Variants in MAST3 observed in about 807,000 individuals in gnomAD.
MAST3 encodes the protein microtubule associated serine/threonine kinase 3.
Under a neutral mutation model 127.0 loss-of-function variants are expected in MAST3, and 43 were observed. That is an observed-to-expected ratio of 0.34 (90% CI 0.27 to 0.44). MAST3 has a LOEUF of 0.44. MAST3 is among the 20% of genes least tolerant of loss of function. The pLI is 1.00. For synonymous variants in MAST3, 785 were observed against 809.2 expected, an observed-to-expected ratio of 0.97 and a Z score of 0.51; for missense variants, 1,390 against 1,919.1, an observed-to-expected ratio of 0.72 and a Z score of 5.15.
intron 1 of MAST3, among the ~76,000 whole-genome samples, chr19:18,106,425 G>T (rs1423546749): frequency 6.6e-6 from 1 of 151,942 alleles, no homozygotes; most frequent in African/African-American, 2.4e-5. Flanking sequence ...TTTTAGTAGA[G>T]ACAGGGTTTC....
intron 2 of MAST3, among the ~76,000 whole-genome samples, chr19:18,109,752 G>A (rs1476852316): frequency 1.3e-5 from 2 of 152,200 alleles, no homozygotes; most frequent in Non-Finnish European, 1.5e-5. Context: ...GGGACTGGAG[G>A]TGTGGTCAGA....
At chr19:18,102,891 G>A (rs1309113268) in intron 1 of MAST3, among the ~76,000 whole-genome samples, 1 of 152,208 alleles carries the variant, frequency 6.6e-6, no homozygotes, top group Admixed American at 6.5e-5. Context: ...CCTCCAGTAT[G>A]GGGGTGCTCC....
chr19:18,135,704 CT>C, intron 17 of MAST3, 35 bp from the exon 18 acceptor site: 2 of 1,509,338 alleles, frequency 1.3e-6, no homozygotes, highest in Non-Finnish European at 1.8e-6. Context: ...TGCCTTCTCC[CT>C]CCCTCCCTCA....
intron 12 of MAST3, 61 bp downstream of exon 12, chr19:18,128,519 C>T (rs1278463943): frequency 2.0e-6 from 3 of 1,495,060 alleles, no homozygotes; most frequent in African/African-American, 1.4e-5. Context: ...GGACCAGGCA[C>T]CCGCAGAAAG....
chr19:18,144,586 C>A lies in MAST3; in HGVS notation c.2705C>A (p.Ala902Asp). Residue 902 changes from alanine (A) to aspartate (D), a missense_variant, in exon 23 of 28, where the codon GCC (alanine) becomes GAC (aspartate). Ala to Asp is a moderately radical substitution (Grantham distance 126). Transcript: ENST00000687212. This position sits in a 1 kb window ranked among gnomAD's most constrained non-coding sequence, Gnocchi z 4.0. ...GRRLGGPRDP[A>D]PEKSRASSSG... ...CGCCTTGGGGGCCCAAGAGACCCAG[C>A]CCCTGAGAAGTCCAGAGCCTCCTCC... 1 of 1,610,724 alleles carries A rather than the reference C, an allele frequency of 6.2e-7. No homozygotes were observed. Among genetic ancestry groups the A allele is most frequent in the Non-Finnish European group, 8.5e-7 (1 of 1,179,250 alleles).
rs1209823288 is a variant in MAST3, at chr19:18,125,106, C to G, written c.1078+332C>G. Reference sequence around the variant, plus strand: ...TGGGCGACAGAGCGAGACCCTGTCTCAAAAAAACAAAAAAAGAAAGGGCAG... The same window carrying G: ...TGGGCGACAGAGCGAGACCCTGTCTGAAAAAAACAAAAAAAGAAAGGGCAG... On this transcript the variant is annotated intron_variant, in intron 11 of 27. Coordinates refer to ENST00000687212, the MANE Select transcript of MAST3 (RefSeq NM_001393504.1). Among the ~76,000 whole-genome samples, 3 of 149,126 alleles carry G rather than the reference C, an allele frequency of 2.0e-5. No homozygotes were observed. The South Asian group carries it at 6.2e-4, about 31-fold the overall frequency.
chr19:18,100,098 G>T (rs557122334), intron 1 of MAST3, among the ~76,000 whole-genome samples: 1 of 148,954 alleles, frequency 6.7e-6, no homozygotes, highest in African/African-American at 2.4e-5. Context: ...ACTCAAGGAG[G>T]CTGAGGCAGA....
chr19:18,124,671 G>A lies in MAST3; in HGVS notation c.975G>A (p.Leu325=). 1 of 1,606,078 alleles carries A rather than the reference G, an allele frequency of 6.2e-7. No homozygotes were observed. Among genetic ancestry groups the A allele is most frequent in the African/African-American group, 1.3e-5 (1 of 74,680 alleles). ...TTGACCCTGAGGAATTTTACCACCT[G>A]CTGGAGGCGGCTGAGGGCCATGCGC... ...LEFDPEEFYH[L]LEAAEGHARE... Residue 325 remains leucine (L), a synonymous_variant, in exon 11 of 28, where the codon CTG becomes CTA. Coordinates refer to ENST00000687212, the MANE Select transcript of MAST3 (RefSeq NM_001393504.1).
intron 1 of MAST3, among the ~76,000 whole-genome samples, chr19:18,103,290 C>T (rs905288275): frequency 1.3e-5 from 2 of 152,050 alleles, no homozygotes; most frequent in Non-Finnish European, 1.5e-5. Context: ...TGTAATCCAG[C>T]GTTTTGGGAG....
At chr19:18,129,179 G>A (rs1458987801) in intron 13 of MAST3, 10 of 560,020 alleles carry the variant, frequency 1.8e-5, no homozygotes, top group Non-Finnish European at 2.6e-5. Context: ...TGCCCCAGGT[G>A]TAGGGCGTTC....
chr19:18,143,817 C>T lies in MAST3; in HGVS notation c.2394C>T (p.Pro798=), dbSNP rs185148853. 45 of 1,613,830 alleles carry T rather than the reference C, an allele frequency of 2.8e-5. No homozygotes were observed. The highest frequency in any genetic ancestry group is 6.7e-5 in the African/African-American group (5 of 75,048). ...GSSCQSSSSQ[P]ERGPSPSLLN... Reference sequence around the variant, plus strand: ...CCTGTCAGTCATCTTCGTCCCAGCCCGAGCGGGGTCCCAGCCCATCTCTCC... The same window carrying T: ...CCTGTCAGTCATCTTCGTCCCAGCCTGAGCGGGGTCCCAGCCCATCTCTCC... Residue 798 remains proline (P), a synonymous_variant, in exon 22 of 28, where the codon CCC becomes CCT. Transcript: ENST00000687212.
Position 18,110,262 on chromosome 19 carries a change from CG to C in MAST3, c.72-385del. 2 of 985,612 alleles carry C rather than the reference CG, an allele frequency of 2.0e-6. No homozygotes were observed. The highest frequency in any genetic ancestry group is 2.4e-6 in the Non-Finnish European group (2 of 830,058). 61.1% of individuals were successfully genotyped at this position (985,612 alleles called of 1,614,324 possible). On this transcript the variant is annotated intron_variant, in intron 2 of 27. Transcript: ENST00000687212. This position sits in a 1 kb window ranked among gnomAD's most constrained non-coding sequence, Gnocchi z 4.3. ...CCGCTCGCGCCACGATCAGGGCTTCCGGGGGCCAACAAGGGGGCGTCGGTAC... is the reference window on the plus strand; with the variant it reads ...CCGCTCGCGCCACGATCAGGGCTTCCGGGGCCAACAAGGGGGCGTCGGTAC...
At chr19:18,102,481 CT>C (rs147386221) in intron 1 of MAST3, among the ~76,000 whole-genome samples, 428 of 131,698 alleles carry the variant, frequency 3.2e-3, no homozygotes, top group African/African-American at 6.1e-3. Context: ...GCCCGGCCAC[CT>C]TTTTTTTTTT....
intron 20 of MAST3, among the ~76,000 whole-genome samples, chr19:18,141,614 C>T (rs1157122532): frequency 6.6e-6 from 1 of 152,002 alleles, no homozygotes; most frequent in African/African-American, 2.4e-5. Flanking sequence ...CTCAAGTGAT[C>T]CGCCCACCTC....
chr19:18,109,455 G>A (rs2038328948), intron 2 of MAST3, among the ~76,000 whole-genome samples: 3 of 152,202 alleles, frequency 2.0e-5, no homozygotes, highest in Admixed American at 2.0e-4. Context: ...CGAGGGCAAA[G>A]TCCTGGACCT....
At chr19:18,106,908 C>T (rs2038113308) in intron 1 of MAST3, among the ~76,000 whole-genome samples, 1 of 151,282 alleles carries the variant, frequency 6.6e-6, no homozygotes, top group Admixed American at 6.6e-5. Flanking sequence ...TCAAGCAATC[C>T]TCCCACCTCA....
intron 3 of MAST3, among the ~76,000 whole-genome samples, chr19:18,111,808 G>A (rs1335080227): frequency 2.6e-5 from 4 of 152,084 alleles, no homozygotes; most frequent in South Asian, 2.1e-4. Flanking sequence ...TAAGCCACAC[G>A]CTGGGCCATC....
In MAST3 at chr19:18,149,985, CTTTTTT is replaced by C. The variant is rs61501122; in HGVS notation, c.*273_*278del. The C allele has an allele frequency of 5.6e-4, 109 of 195,284 alleles. 1 individual carries two copies. Among genetic ancestry groups the C allele is most frequent in the South Asian group, 7.9e-4 (17 of 21,394 alleles). The allele number at this position is 195,284 out of a possible 1,614,324, so 12.1% of individuals were successfully genotyped here. A position where few individuals can be genotyped will look rare whatever the true frequency, so the allele number is the denominator to read the frequency against. On this transcript the variant is annotated 3_prime_UTR_variant, in exon 28 of 28. Transcript: ENST00000687212. The surrounding 1 kb of genome is among the most constrained non-coding windows in gnomAD (Gnocchi z 5.9). ...GCAACTAATTTATTACTTTTTTTTT[CTTTTTT>C]TTTTTTTTTTTTTGAGACAGAGTCT... is the stretch of plus-strand genomic sequence containing the variant.
chr19:18,119,891 C>G (rs987801500), intron 3 of MAST3, among the ~76,000 whole-genome samples: 1 of 152,200 alleles, frequency 6.6e-6, no homozygotes, highest in Non-Finnish European at 1.5e-5. Flanking sequence ...TCGGAGGCCC[C>G]GAGACTTCAT....
Sources: allele counts gnomAD v4.1 joint callset (sites outside exome capture counted in the v4.1 genomes callset), GRCh38; gene constraint gnomAD v4.1.1; non-coding constraint Gnocchi (gnomAD v3.1); transcripts MANE v1.5; gene names NCBI Gene and HGNC (gene_info 2026-07-23, HGNC 2026-07-21).